MAPK1IP1L: variants seen among roughly 807,000 people sequenced by gnomAD.
MAPK1IP1L encodes the protein MAPK-interacting and spindle-stabilizing protein-like.
MAPK1IP1L carries 10 observed loss-of-function variants against 18.1 expected under a neutral mutation model. The ratio of observed to expected loss-of-function variants is 0.55; its 90% CI spans 0.34 to 0.94. The LOEUF is 0.94. Ranked by LOEUF, MAPK1IP1L falls within the 40% of genes least tolerant of loss-of-function variation. The probability of loss-of-function intolerance (pLI) is 0.02; values close to 1 mark genes in which losing one functional copy is unlikely to be tolerated. For missense variants in MAPK1IP1L, 260 were observed against 318.2 expected (o/e 0.82, Z 1.39); for synonymous variants, 115 against 117.3 (o/e 0.98, Z 0.13).
Position 55,066,643 on chromosome 14 carries a change from G to C in MAPK1IP1L, c.*2016G>C, listed in dbSNP as rs2042863978. 6.6e-6 allele frequency: 1 copy of C among 152,196 alleles called. No individual in the cohort carries two copies. The highest frequency in any genetic ancestry group is 6.5e-5 in the Admixed American group (1 of 15,274). 9.4% of individuals were successfully genotyped at this position (152,196 alleles called of 1,614,324 possible). ...TAAGCTGACAAATTAGCAGTATTTA[G>C]TTTAACACTGGAGCAAATATAATTT... On this transcript the variant is annotated 3_prime_UTR_variant, in exon 4 of 4. Coordinates refer to ENST00000395468, the MANE Select transcript of MAPK1IP1L (RefSeq NM_144578.4).
chr14:55,059,943 G>C (rs2042803201), intron 1 of MAPK1IP1L, among the ~76,000 whole-genome samples: 1 of 152,070 alleles, frequency 6.6e-6, no homozygotes, highest in South Asian at 2.1e-4. Context: ...TTATTGTTTG[G>C]AAGAATTTAA....
intron 1 of MAPK1IP1L, among the ~76,000 whole-genome samples, chr14:55,059,792 C>T (rs980814349): frequency 7.9e-5 from 12 of 152,074 alleles, no homozygotes; most frequent in African/African-American, 2.7e-4. Context: ...TCTGGAGCTA[C>T]CAAGTGAGGT....
chr14:55,052,136 C>G (rs1434866844), intron 1 of MAPK1IP1L, among the ~76,000 whole-genome samples: 1 of 150,494 alleles, frequency 6.6e-6, no homozygotes, highest in Non-Finnish European at 1.5e-5. Context: ...CACCCCTTCC[C>G]GGCGGGCGCG....
Position 55,061,339 on chromosome 14 carries a change from G to A in MAPK1IP1L, c.-4-341G>A, listed in dbSNP as rs72715590. ...CTGTTGACTCTAAATTCCATGTCCA[G>A]TGCTTTTTCCTGGTGTTAGATTCTC... On this transcript the variant is annotated intron_variant, in intron 1 of 3. Transcript: ENST00000395468. Among the ~76,000 whole-genome samples the A allele has an allele frequency of 5.9e-3, 895 of 152,302 alleles. 8 individuals are homozygous for A. The highest frequency in any genetic ancestry group is 0.02 in the Middle Eastern group (6 of 294).
chr14:55,052,445 C>A (rs1310051042), intron 1 of MAPK1IP1L, among the ~76,000 whole-genome samples: 1 of 152,036 alleles, frequency 6.6e-6, no homozygotes, highest in Non-Finnish European at 1.5e-5. Context: ...ATTCAGTGAT[C>A]TCCTTTTTTA....
At position 55,065,841 on chromosome 14, in the gene MAPK1IP1L, A is replaced by G. The variant is rs1328572597; in HGVS notation, c.*1214A>G. The G allele has an allele frequency of 6.6e-6, 1 of 152,234 alleles. No individual in the cohort carries two copies. Among genetic ancestry groups the G allele is most frequent in the Non-Finnish European group, 1.5e-5 (1 of 68,040 alleles). 9.4% of individuals were successfully genotyped at this position (152,234 alleles called of 1,614,324 possible). A position where few individuals can be genotyped will look rare whatever the true frequency, so the allele number is the denominator to read the frequency against. On this transcript the variant is annotated 3_prime_UTR_variant, in exon 4 of 4. Transcript: ENST00000395468. ...GTTCTGTATTTGTTGACAGGTAAAT[A>G]AGTGGAGTTGAGTGCCATCTTTGAA...
intron 1 of MAPK1IP1L, among the ~76,000 whole-genome samples, chr14:55,061,065 A>T (rs891827395): frequency 6.6e-6 from 1 of 152,086 alleles, no homozygotes; most frequent in Non-Finnish European, 1.5e-5. Context: ...CAAGAAGATG[A>T]CTTGAGCCCA....
chr14:55,052,007 G>A (rs1359410657), intron 1 of MAPK1IP1L, among the ~76,000 whole-genome samples: 2 of 152,126 alleles, frequency 1.3e-5, no homozygotes, highest in African/African-American at 4.8e-5. Context: ...CGGGCTGCCT[G>A]GGGATCGCCC....
intron 3 of MAPK1IP1L, 46 bp from the exon 4 acceptor site, chr14:55,064,570 C>A (rs1180909628): frequency 3.1e-6 from 5 of 1,590,916 alleles, no homozygotes. Flanking sequence ...TTAATAAACT[C>A]CATTTGCAAA....
At chr14:55,057,601 AC>A (rs1332468405) in intron 1 of MAPK1IP1L, among the ~76,000 whole-genome samples, 3 of 152,146 alleles carry the variant, frequency 2.0e-5, no homozygotes, top group African/African-American at 7.2e-5. Flanking sequence ...TACTAAAAAT[AC>A]AAAAATTAGT....
In MAPK1IP1L at chr14:55,062,833, C is replaced by T. The variant is rs760781820; in HGVS notation, c.234C>T (p.Thr78=). The part of the protein sequence containing the change: ...PTGMYPSVPP[T]GPPPGPPAPF... ...GAATGTATCCCTCCGTGCCTCCCAC[C>T]GGACCACCTCCAGGACCCCCAGCAC... Residue 78 remains threonine, a synonymous_variant, in exon 3 of 4, where the codon ACC becomes ACT. Coordinates refer to ENST00000395468, the MANE Select transcript of MAPK1IP1L (RefSeq NM_144578.4). 8 of 1,614,182 alleles carry T rather than the reference C, an allele frequency of 5.0e-6. No individual in the cohort carries two copies. The highest frequency in any genetic ancestry group is 1.1e-5 in the South Asian group (1 of 91,086).
rs17128143 is a variant in MAPK1IP1L, at chr14:55,066,870, C to G, written c.*2243C>G. 10,993 of 151,740 alleles carry G rather than the reference C, an allele frequency of 0.072. 491 individuals carry two copies. The highest frequency in any genetic ancestry group is 0.13 in the African/African-American group (5,385 of 41,226). 9.4% of individuals were successfully genotyped at this position (151,740 alleles called of 1,614,324 possible). On this transcript the variant is annotated 3_prime_UTR_variant, in exon 4 of 4. Transcript: ENST00000395468. ...ACTGCTATTGTACTCCCTTTGTTTT[C>G]AAGGACTTTGCAACTGGTATTTGGG...
intron 1 of MAPK1IP1L, among the ~76,000 whole-genome samples, chr14:55,052,453 T>G (rs2042738254): frequency 6.6e-6 from 1 of 152,166 alleles, no homozygotes; most frequent in African/African-American, 2.4e-5. Context: ...ATCTCCTTTT[T>G]TAGGACTGAG....
rs762092956 is a variant in MAPK1IP1L, at chr14:55,062,843, C to T, written c.244C>T (p.Pro82Ser). ...CTCCGTGCCTCCCACCGGACCACCTCCAGGACCCCCAGCACCCTTTCCTCC... is the reference window on the plus strand; with the variant it reads ...CTCCGTGCCTCCCACCGGACCACCTTCAGGACCCCCAGCACCCTTTCCTCC... ...YPSVPPTGPP[P>S]GPPAPFPPSG... Residue 82 changes from proline (P) to serine (S), a missense_variant, in exon 3 of 4, where the codon CCA (proline) becomes TCA (serine). Transcript: ENST00000395468. The T allele has an allele frequency of 1.2e-6, 2 of 1,614,088 alleles. No individual in the cohort carries two copies. The highest frequency in any genetic ancestry group is 1.7e-6 in the Non-Finnish European group (2 of 1,180,052).
Position 55,068,041 on chromosome 14 carries a change from A to G in MAPK1IP1L, c.*3414A>G, listed in dbSNP as rs2042878530. On this transcript the variant is annotated 3_prime_UTR_variant, in exon 4 of 4. Coordinates refer to ENST00000395468, the MANE Select transcript of MAPK1IP1L (RefSeq NM_144578.4). ...TCAAAGACCTTGGCTTGTCTGTCCC[A>G]TCCTGCCACTTTCTCATCTTTTCAT... 2 of 152,222 alleles carry G rather than the reference A, an allele frequency of 1.3e-5. No homozygotes were observed. The highest frequency in any genetic ancestry group is 3.2e-3 in the Middle Eastern group (1 of 316). The allele number at this position is 152,222 out of a possible 1,614,324, so 9.4% of individuals were successfully genotyped here.
intron 1 of MAPK1IP1L, among the ~76,000 whole-genome samples, chr14:55,052,014 G>GC (rs1454387072): frequency 1.3e-5 from 2 of 152,066 alleles, no homozygotes; most frequent in African/African-American, 2.4e-5. Flanking sequence ...CCTGGGGATC[G>GC]CCCCCCAGGG....
intron 1 of MAPK1IP1L, among the ~76,000 whole-genome samples, chr14:55,058,929 AAT>A (rs1333169600): frequency 6.6e-6 from 1 of 151,762 alleles, no homozygotes; most frequent in African/African-American, 2.4e-5. Context: ...TATTATAAAT[AAT>A]ATAGAGATGA....
At position 55,055,759 on chromosome 14, in the gene MAPK1IP1L, C is replaced by T. The variant is rs562920721; in HGVS notation, c.-5+3956C>T. Among the ~76,000 whole-genome samples the T allele has an allele frequency of 1.1e-4, 17 of 152,122 alleles. No individual in the cohort carries two copies. In the East Asian group the frequency reaches 2.3e-3, roughly 21 times the overall value. The stretch of plus-strand genomic sequence containing the variant: ...CAGCCTGGCCAACATGGTGAAACCC[C>T]GTCTCTACCAAAAATTAAAAATTAG... On this transcript the variant is annotated intron_variant, in intron 1 of 3. Coordinates refer to ENST00000395468, the MANE Select transcript of MAPK1IP1L (RefSeq NM_144578.4).
chr14:55,061,564 A>T, intron 1 of MAPK1IP1L, 116 bp from the exon 2 acceptor site: 3 of 701,040 alleles, frequency 4.3e-6, no homozygotes, highest in Non-Finnish European at 7.0e-6. Context: ...CATAAATAAG[A>T]TTCCGCTTAA....
Sources: allele counts gnomAD v4.1 joint callset (sites outside exome capture counted in the v4.1 genomes callset), GRCh38; gene constraint gnomAD v4.1.1; transcripts MANE v1.5; gene names NCBI Gene and HGNC (gene_info 2026-07-23, HGNC 2026-07-21).